The following STK3 variants were observed in gnomAD, a reference collection of about 807,000 sequenced individuals.
STK3 encodes serine/threonine-protein kinase 3.
STK3 carries 41 observed loss-of-function variants against 58.0 expected under a neutral mutation model. The ratio of observed to expected loss-of-function variants is 0.71; its 90% CI spans 0.55 to 0.92. The LOEUF (loss-of-function observed/expected upper bound fraction) is 0.92. STK3 is among the 40% of genes least tolerant of loss of function. STK3 has a pLI of 0.00. For synonymous variants in STK3, 170 were observed against 191.0 expected (o/e 0.89, Z 0.91); for missense variants, 479 against 602.7 (o/e 0.79, Z 2.15).
At chr8:98,371,192 G>T (rs1817606817), downstream of STK3, among the ~76,000 whole-genome samples, 1 of 152,216 alleles carries the variant, frequency 6.6e-6, no homozygotes, top group Non-Finnish European at 1.5e-5. Flanking sequence ...AAAGCCACTT[G>T]TGTAGTAGGT....
intron 3 of STK3, among the ~76,000 whole-genome samples, chr8:98,405,484 A>T (rs1029595825): frequency 6.6e-6 from 1 of 152,192 alleles, no homozygotes; most frequent in African/African-American, 2.4e-5. Context: ...TGTAAATATC[A>T]TAAGCATAGA....
chr8:98,585,272 A>G (rs1389170400), intron 7 of STK3, among the ~76,000 whole-genome samples: 5 of 152,178 alleles, frequency 3.3e-5, no homozygotes, highest in African/African-American at 4.8e-5. Flanking sequence ...TAATTTTTGT[A>G]TAAGGTGTAA....
intron 10 of STK3, among the ~76,000 whole-genome samples, chr8:98,498,660 T>G (rs1426193097): frequency 6.6e-6 from 1 of 152,170 alleles, no homozygotes; most frequent in Non-Finnish European, 1.5e-5. Context: ...AAATTATAAG[T>G]CCTCATCTTT....
intron 3 of STK3, among the ~76,000 whole-genome samples, chr8:98,753,750 T>A (rs909176311): frequency 3.3e-5 from 5 of 151,824 alleles, no homozygotes; most frequent in Admixed American, 6.6e-5. Context: ...CAAAAAAAAA[T>A]AACTATGTCT....
intron 4 of STK3, among the ~76,000 whole-genome samples, chr8:98,735,552 A>C (rs899717166): frequency 1.3e-5 from 2 of 152,186 alleles, no homozygotes; most frequent in Non-Finnish European, 2.9e-5. Context: ...TAAAAACCAA[A>C]AGGACTCAAT....
intron 1 of STK3, among the ~76,000 whole-genome samples, chr8:98,886,535 G>A (rs1837996742): frequency 6.6e-6 from 1 of 152,126 alleles, no homozygotes; most frequent in Non-Finnish European, 1.5e-5. Flanking sequence ...ATGAAATGAG[G>A]GCATACCCAT....
At chr8:98,620,614 T>A (rs1000587213) in intron 6 of STK3, among the ~76,000 whole-genome samples, 2 of 148,784 alleles carry the variant, frequency 1.3e-5, no homozygotes, top group Non-Finnish European at 1.5e-5. Context: ...GTAGGACACA[T>A]GCTGCTACTT....
intron 1 of STK3, among the ~76,000 whole-genome samples, chr8:98,801,762 C>T (rs1833564864): frequency 6.6e-6 from 1 of 152,138 alleles, no homozygotes; most frequent in African/African-American, 2.4e-5. Flanking sequence ...AGACCAAGAA[C>T]CCACCAATTC....
At chr8:98,643,842 C>G (rs1407274330) in intron 6 of STK3, among the ~76,000 whole-genome samples, 1 of 152,094 alleles carries the variant, frequency 6.6e-6, no homozygotes, top group Non-Finnish European at 1.5e-5. Flanking sequence ...GACTTCACCT[C>G]TACAAAAAAC....
intron 6 of STK3, among the ~76,000 whole-genome samples, chr8:98,700,156 G>C (rs997582024): frequency 6.6e-6 from 1 of 152,214 alleles, no homozygotes; most frequent in African/African-American, 2.4e-5. Flanking sequence ...CGTGGGCGTA[G>C]GACCCTCTGA....
chr8:98,836,078 G>A (rs2131796461), intron 3 of STK3, among the ~76,000 whole-genome samples: 1 of 152,204 alleles, frequency 6.6e-6, no homozygotes, highest in East Asian at 1.9e-4. Context: ...GTGGGCGCCT[G>A]TAATTCCAGC....
At chr8:98,722,236 A>G (rs1346758801) in intron 4 of STK3, among the ~76,000 whole-genome samples, 2 of 152,206 alleles carry the variant, frequency 1.3e-5, no homozygotes, top group Non-Finnish European at 2.9e-5. Flanking sequence ...TCCTTCCACT[A>G]CAATAAGAAA....
chr8:98,749,334 A>G lies in STK3; in HGVS notation c.293T>C (p.Val98Ala). ...SYFKNTDLWIVMEYCGAGSVS... is the reference protein window; with the variant it reads ...SYFKNTDLWIAMEYCGAGSVS... ...AGAGCCAGCGCCACAGTACTCCATAACAATCCAGAGGTCTGTATTCTTAAA... is the reference window on the plus strand; with the variant it reads ...AGAGCCAGCGCCACAGTACTCCATAGCAATCCAGAGGTCTGTATTCTTAAA... The change falls in exon 4 of 11, where the codon GTT (valine) becomes GCT (alanine). Residue 98 changes from valine (V) to alanine (A), a missense_variant. This residue lies in a region of STK3 where 126 missense variants were observed against 210.1 expected (regional missense o/e 0.60). Coordinates refer to ENST00000419617, the MANE Select transcript of STK3 (RefSeq NM_006281.4). 1 of 1,609,990 alleles carries G rather than the reference A, an allele frequency of 6.2e-7. No individual in the cohort carries two copies. The highest frequency in any genetic ancestry group is 8.5e-7 in the Non-Finnish European group (1 of 1,177,426).
At chr8:98,835,429 C>A (rs1006872262) in intron 3 of STK3, among the ~76,000 whole-genome samples, 1 of 152,168 alleles carries the variant, frequency 6.6e-6, no homozygotes, top group Admixed American at 6.5e-5. Context: ...GGCTCCTGCA[C>A]CCAGGGCTGC....
At chr8:98,735,236 G>A (rs963934644) in intron 4 of STK3, among the ~76,000 whole-genome samples, 2 of 152,072 alleles carry the variant, frequency 1.3e-5, no homozygotes, top group Non-Finnish European at 2.9e-5. Flanking sequence ...AGGCTTGTAG[G>A]TGCCAAAAGC....
intron 6 of STK3, among the ~76,000 whole-genome samples, chr8:98,664,421 AAAG>A (rs1352348291): frequency 1.3e-5 from 2 of 152,206 alleles, no homozygotes; most frequent in Non-Finnish European, 2.9e-5. Context: ...GTGAGAATTT[AAAG>A]ATTATAATTT....
intron 8 of STK3, among the ~76,000 whole-genome samples, chr8:98,569,718 T>C (rs546389986): frequency 4.6e-5 from 7 of 151,910 alleles, no homozygotes; most frequent in African/African-American, 1.5e-4. Flanking sequence ...GTTATAACTA[T>C]ATAAGAATTT....
intron 1 of STK3, chr8:98,904,873 TG>T: frequency 1.5e-6 from 1 of 681,284 alleles, no homozygotes; most frequent in East Asian, 3.3e-5. Flanking sequence ...GAAGTAGAGT[TG>T]AGGTGGCTGG....
At chr8:98,838,135 C>G (rs899612283) in intron 3 of STK3, among the ~76,000 whole-genome samples, 1 of 150,230 alleles carries the variant, frequency 6.7e-6, no homozygotes, top group Non-Finnish European at 1.5e-5. Context: ...ACGAGCTACT[C>G]GAGAGACTGA....
Sources: allele counts gnomAD v4.1 joint callset (sites outside exome capture counted in the v4.1 genomes callset), GRCh38; gene constraint gnomAD v4.1.1; regional missense constraint gnomAD v4.1.1; transcripts MANE v1.5; gene names NCBI Gene and HGNC (gene_info 2026-07-23, HGNC 2026-07-21).